The following TFEC variants were observed in gnomAD, a reference collection of about 807,000 sequenced individuals.
TFEC encodes transcription factor EC.
In TFEC, 31 loss-of-function variants were observed where a neutral mutation model predicts 41.6. The observed-to-expected ratio is 0.74, with a 90% confidence interval of 0.56 to 1.01. The LOEUF is 1.01. Among genes scored for constraint, TFEC ranks in the 50% least tolerant of loss-of-function variants. The probability of loss-of-function intolerance (pLI) is 0.00; values close to 1 mark genes in which losing one functional copy is unlikely to be tolerated. For missense variants in TFEC, 402 were observed against 404.1 expected (o/e 0.99, Z 0.04); for synonymous variants, 143 against 140.6 (o/e 1.02, Z -0.12).
intron 1 of TFEC, among the ~76,000 whole-genome samples, chr7:116,147,326 A>G (rs1482147077): frequency 6.6e-6 from 1 of 152,234 alleles, no homozygotes; most frequent in African/African-American, 2.4e-5. Flanking sequence ...TCAAAGACAA[A>G]GAGTTCTTAA....
intron 1 of TFEC, among the ~76,000 whole-genome samples, chr7:116,002,486 A>G (rs1404511436): frequency 6.6e-6 from 1 of 152,092 alleles, no homozygotes; most frequent in Non-Finnish European, 1.5e-5. Context: ...AAATAATTGA[A>G]CTCATTGAGC....
chr7:115,953,357 A>G (rs935691840), intron 5 of TFEC, among the ~76,000 whole-genome samples: 4 of 152,038 alleles, frequency 2.6e-5, no homozygotes, highest in African/African-American at 9.7e-5. Flanking sequence ...GATCATCACA[A>G]GTTTTTAGGG....
chr7:115,995,912 T>C (rs1053708176), intron 1 of TFEC, among the ~76,000 whole-genome samples: 2 of 152,168 alleles, frequency 1.3e-5, no homozygotes, highest in Non-Finnish European at 2.9e-5. Context: ...AGGGGAATTG[T>C]CCATTCCAGT....
intron 6 of TFEC, among the ~76,000 whole-genome samples, chr7:115,949,131 C>T (rs1361769899): frequency 1.3e-5 from 2 of 152,046 alleles, no homozygotes; most frequent in East Asian, 1.9e-4. Context: ...ACCTAGGAAT[C>T]CAACTTAAAA....
chr7:116,107,907 T>C (rs1440124490), intron 3 of TFEC, among the ~76,000 whole-genome samples: 2 of 152,198 alleles, frequency 1.3e-5, no homozygotes, highest in Non-Finnish European at 2.9e-5. Context: ...ATTAGAATAC[T>C]ATATGTAAAG....
intron 2 of TFEC, among the ~76,000 whole-genome samples, chr7:116,111,202 G>C (rs960202265): frequency 1.3e-5 from 2 of 151,726 alleles, no homozygotes; most frequent in African/African-American, 4.8e-5. Context: ...TCTGAGCAAA[G>C]CCAGGTACCA....
At chr7:115,954,556 T>C in intron 5 of TFEC, 30 bp downstream of exon 5, 1 of 1,588,934 alleles carries the variant, frequency 6.3e-7, no homozygotes, top group African/African-American at 1.4e-5. Flanking sequence ...TCCTTTTGCA[T>C]TAATTTTATA....
intron 1 of TFEC, among the ~76,000 whole-genome samples, chr7:116,159,562 T>C (rs1005904570): frequency 3.3e-5 from 5 of 152,102 alleles, no homozygotes; most frequent in African/African-American, 4.8e-5. Flanking sequence ...CTTTTCCTTC[T>C]AGTGAATTCA....
chr7:116,046,180 T>G (rs867117385), intron 3 of TFEC, among the ~76,000 whole-genome samples: 1 of 152,174 alleles, frequency 6.6e-6, no homozygotes, highest in Non-Finnish European at 1.5e-5. Context: ...TTTGGGGGAC[T>G]GCTGGGAAGG....
At chr7:115,954,023 G>T (rs775813194) in intron 5 of TFEC, among the ~76,000 whole-genome samples, 17 of 152,014 alleles carry the variant, frequency 1.1e-4, no homozygotes, top group Non-Finnish European at 2.2e-4. Flanking sequence ...CTAAAGCTCA[G>T]CCTCGCTGCC....
chr7:115,973,027 A>T (rs1187644115), intron 3 of TFEC, among the ~76,000 whole-genome samples: 1 of 152,048 alleles, frequency 6.6e-6, no homozygotes, highest in East Asian at 1.9e-4. Context: ...TTTTCATGTC[A>T]CTATGGCTAC....
chr7:116,014,124 T>C (rs1279474637), intron 1 of TFEC, among the ~76,000 whole-genome samples: 9 of 152,104 alleles, frequency 5.9e-5, no homozygotes, highest in Admixed American at 2.0e-4. Context: ...ATGTTTGATT[T>C]CCTGAAAAAC....
intron 3 of TFEC, among the ~76,000 whole-genome samples, chr7:116,108,043 A>G (rs1161069028): frequency 2.0e-5 from 3 of 152,190 alleles, no homozygotes; most frequent in Non-Finnish European, 4.4e-5. Context: ...AGAACTCAGA[A>G]TCTTCTACAA....
intron 3 of TFEC, among the ~76,000 whole-genome samples, chr7:116,089,119 G>C (rs1194615654): frequency 1.3e-5 from 2 of 152,072 alleles, no homozygotes; most frequent in African/African-American, 4.8e-5. Context: ...ATAGCAACTA[G>C]AAGTAATCTC....
chr7:116,128,710 TACTG>T (rs1340775741), intron 1 of TFEC, among the ~76,000 whole-genome samples: 2 of 152,134 alleles, frequency 1.3e-5, no homozygotes, highest in Admixed American at 6.5e-5. Context: ...GCCTCAGTGT[TACTG>T]ACTGAGGAAA....
At chr7:116,090,203 G>A (rs1346134604) in intron 3 of TFEC, among the ~76,000 whole-genome samples, 1 of 152,146 alleles carries the variant, frequency 6.6e-6, no homozygotes, top group African/African-American at 2.4e-5. Flanking sequence ...TTGCATAGGA[G>A]TGTGACCTTT....
intron 3 of TFEC, among the ~76,000 whole-genome samples, chr7:116,050,029 A>C (rs1021566082): frequency 6.6e-6 from 1 of 152,244 alleles, no homozygotes; most frequent in African/African-American, 2.4e-5. Context: ...AGAAAGCAGG[A>C]AAGATCTAAA....
At chr7:115,994,595 A>C (rs1036020263) in intron 1 of TFEC, among the ~76,000 whole-genome samples, 3 of 150,568 alleles carry the variant, frequency 2.0e-5, no homozygotes, top group Admixed American at 1.3e-4. Context: ...AGCCAACAGC[A>C]GACTCATCAT....
At chr7:116,069,179 G>A (rs1328152419) in intron 3 of TFEC, among the ~76,000 whole-genome samples, 1 of 150,888 alleles carries the variant, frequency 6.6e-6, no homozygotes, top group Non-Finnish European at 1.5e-5. Context: ...TGCAGGAGGA[G>A]AAAATAAGAT....
Sources: allele counts gnomAD v4.1 joint callset (sites outside exome capture counted in the v4.1 genomes callset), GRCh38; gene constraint gnomAD v4.1.1; transcripts MANE v1.5; gene names NCBI Gene and HGNC (gene_info 2026-07-23, HGNC 2026-07-21).